Variants in DPP10 observed in about 807,000 individuals in gnomAD.
DPP10 encodes the protein dipeptidyl peptidase like 10.
DPP10 carries 33 observed loss-of-function variants against 120.9 expected under a neutral mutation model. The ratio of observed to expected loss-of-function variants is 0.27; its 90% confidence interval spans 0.21 to 0.37. The LOEUF (loss-of-function observed/expected upper bound fraction) is 0.37. DPP10 is among the 10% of genes least tolerant of loss of function. The probability of loss-of-function intolerance (pLI) is 1.00; values close to 1 mark genes in which losing one functional copy is unlikely to be tolerated. For missense variants in DPP10, 816 were observed against 942.8 expected (o/e 0.87, Z 1.76); for synonymous variants, 337 against 326.1 (o/e 1.03, Z -0.36).
intron 1 of DPP10, among the ~76,000 whole-genome samples, chr2:114,654,148 T>C (rs1696806637): frequency 6.6e-6 from 1 of 152,206 alleles, no homozygotes; most frequent in South Asian, 2.1e-4. Context: ...CCTACTGCTA[T>C]TCAAAGACCT....
intron 5 of DPP10, among the ~76,000 whole-genome samples, chr2:115,639,531 AG>A (rs1265620893): frequency 6.6e-6 from 1 of 152,186 alleles, no homozygotes; most frequent in Admixed American, 6.5e-5. Context: ...TGGGAGGCTG[AG>A]GGTCAGAAGG....
intron 1 of DPP10, among the ~76,000 whole-genome samples, chr2:115,157,347 G>A (rs1182996289): frequency 6.6e-6 from 1 of 151,802 alleles, no homozygotes; most frequent in Non-Finnish European, 1.5e-5. Flanking sequence ...ATGACTCTCA[G>A]GATATTGCAA....
chr2:114,885,489 T>A (rs1422799924), intron 1 of DPP10, among the ~76,000 whole-genome samples: 2 of 152,232 alleles, frequency 1.3e-5, no homozygotes, highest in Non-Finnish European at 2.9e-5. Context: ...ATGCTTATGC[T>A]TTCTAACTGT....
intron 5 of DPP10, among the ~76,000 whole-genome samples, chr2:115,597,117 G>A (rs1233810247): frequency 6.6e-6 from 1 of 151,940 alleles, no homozygotes; most frequent in Non-Finnish European, 1.5e-5. Context: ...TTGAATCCTG[G>A]GTCCCCCAAA....
At chr2:114,926,011 A>T (rs1236454895) in intron 1 of DPP10, among the ~76,000 whole-genome samples, 1 of 152,182 alleles carries the variant, frequency 6.6e-6, no homozygotes, top group African/African-American at 2.4e-5. Context: ...CTTGATGGGA[A>T]GTCTGGCATT....
At chr2:115,486,118 A>T (rs2075760985) in intron 3 of DPP10, among the ~76,000 whole-genome samples, 1 of 152,134 alleles carries the variant, frequency 6.6e-6, no homozygotes. Flanking sequence ...GATTTATATT[A>T]TTTTAAAATC....
chr2:115,815,268 A>G (rs1687102604), intron 20 of DPP10, among the ~76,000 whole-genome samples: 1 of 152,208 alleles, frequency 6.6e-6, no homozygotes, highest in South Asian at 2.1e-4. Context: ...GTTTACAGGA[A>G]TCCACAATGT....
intron 1 of DPP10, among the ~76,000 whole-genome samples, chr2:114,637,825 T>C (rs1695409004): frequency 6.6e-6 from 1 of 151,848 alleles, no homozygotes; most frequent in African/African-American, 2.4e-5. Context: ...AGGTTTTCCG[T>C]TCTGTTCCAT....
intron 2 of DPP10, among the ~76,000 whole-genome samples, chr2:115,334,022 T>G (rs935205308): frequency 1.3e-4 from 20 of 151,968 alleles, no homozygotes; most frequent in African/African-American, 4.3e-4. Context: ...CTCTGATTGG[T>G]GTACTTGAAA....
chr2:114,607,270 G>C (rs971303872), intron 1 of DPP10, among the ~76,000 whole-genome samples: 1 of 152,138 alleles, frequency 6.6e-6, no homozygotes, highest in African/African-American at 2.4e-5. Flanking sequence ...GATAAAGTGT[G>C]ATCTAAAGAA....
intron 1 of DPP10, chr2:115,297,148 G>A (rs1025058005): frequency 5.9e-6 from 1 of 170,802 alleles, no homozygotes; most frequent in Non-Finnish European, 1.3e-5. Context: ...TGAGCAGCAT[G>A]AGCCTGTATT....
At chr2:114,648,683 T>G (rs1005987690) in intron 1 of DPP10, among the ~76,000 whole-genome samples, 1 of 152,200 alleles carries the variant, frequency 6.6e-6, no homozygotes, top group African/African-American at 2.4e-5. Flanking sequence ...GTGAAAGGAT[T>G]GCATGATCAA....
chr2:114,559,912 A>C (rs908996134), intron 1 of DPP10, among the ~76,000 whole-genome samples: 1 of 138,588 alleles, frequency 7.2e-6, no homozygotes, highest in Non-Finnish European at 1.6e-5. Flanking sequence ...AAAAAAAAAA[A>C]CAAAGGAAGG....
At chr2:115,313,090 G>A (rs2061649887) in intron 2 of DPP10, among the ~76,000 whole-genome samples, 1 of 152,106 alleles carries the variant, frequency 6.6e-6, no homozygotes, top group African/African-American at 2.4e-5. Context: ...GGGCATGGTG[G>A]CATGCACCTG....
At chr2:115,412,363 C>T (rs1171716414) in intron 3 of DPP10, among the ~76,000 whole-genome samples, 2 of 152,050 alleles carry the variant, frequency 1.3e-5, no homozygotes, top group African/African-American at 2.4e-5. Context: ...CTTTTTACCA[C>T]CCATGTTTTA....
chr2:115,714,392 C>CTT (rs1296553643), intron 7 of DPP10, among the ~76,000 whole-genome samples: 7 of 152,122 alleles, frequency 4.6e-5, no homozygotes, highest in Admixed American at 3.3e-4. Context: ...TTTTAAATGT[C>CTT]TTGACTCTTT....
At chr2:115,031,050 C>T (rs77051695) in intron 1 of DPP10, among the ~76,000 whole-genome samples, 2 of 152,154 alleles carry the variant, frequency 1.3e-5, no homozygotes, top group East Asian at 3.9e-4. Flanking sequence ...GTTCCTTTTG[C>T]ACAAAGAATT....
chr2:115,495,365 G>GAAAAAAAAAAAAA (rs3039998), intron 3 of DPP10, among the ~76,000 whole-genome samples: 5 of 82,230 alleles, frequency 6.1e-5, no homozygotes, highest in African/African-American at 2.3e-4. Context: ...GCCATTTTCT[G>GAAAAAAAAAAAAA]AAAAAAAAAA....
At chr2:114,975,530 C>A (rs115711961) in intron 1 of DPP10, among the ~76,000 whole-genome samples, 2,180 of 152,280 alleles carry the variant, frequency 0.014, 50 homozygotes, top group African/African-American at 0.051. Context: ...CATCAAATAA[C>A]TAGTGAATGG....
Sources: allele counts gnomAD v4.1 joint callset (sites outside exome capture counted in the v4.1 genomes callset), GRCh38; gene constraint gnomAD v4.1.1; transcripts MANE v1.5; gene names NCBI Gene and HGNC (gene_info 2026-07-23, HGNC 2026-07-21).